Variants in RBM6 observed in about 807,000 individuals in gnomAD.
The protein encoded by RBM6 is RNA-binding protein 6.
In RBM6, 23 loss-of-function variants were observed where a neutral mutation model predicts 140.4. The observed-to-expected ratio is 0.16, with a 90% CI of 0.12 to 0.23. The LOEUF (loss-of-function observed/expected upper bound fraction) is 0.23, where lower values mean the gene tolerates loss of function less well. Among genes scored for constraint, RBM6 ranks in the 10% least tolerant of loss-of-function variants. RBM6 has a pLI of 1.00. For missense variants in RBM6, 1,139 were observed against 1,386.7 expected, an observed-to-expected ratio of 0.82 and a Z score of 2.84; for synonymous variants, 439 against 475.6, an observed-to-expected ratio of 0.92 and a Z score of 1.00.
At chr3:50,064,994 G>A (rs776625218) in intron 15 of RBM6, 37 bp from the exon 16 acceptor site, 1 of 1,539,850 alleles carries the variant, frequency 6.5e-7, no homozygotes, top group Non-Finnish European at 9.0e-7. Flanking sequence ...GTTATTATGA[G>A]TGAATATCAT....
intron 5 of RBM6, among the ~76,000 whole-genome samples, chr3:49,978,877 C>T (rs912900267): frequency 6.6e-6 from 1 of 151,990 alleles, no homozygotes; most frequent in Non-Finnish European, 1.5e-5. Flanking sequence ...ACATTATAAC[C>T]CCATGAATTG....
At chr3:49,961,327 C>CT (rs1470703371) in intron 1 of RBM6, among the ~76,000 whole-genome samples, 1 of 151,960 alleles carries the variant, frequency 6.6e-6, no homozygotes, top group East Asian at 1.9e-4. Flanking sequence ...ATCCACCTGC[C>CT]TAGCCTCCCA....
At chr3:50,029,687 C>A (rs1367551453) in intron 6 of RBM6, among the ~76,000 whole-genome samples, 1 of 151,984 alleles carries the variant, frequency 6.6e-6, no homozygotes, top group African/African-American at 2.4e-5. Flanking sequence ...GAGCCGAGAT[C>A]GTGCCACTGC....
chr3:49,982,262 C>CTTTTTTTTTTTTTTTT (rs751604271), intron 5 of RBM6, among the ~76,000 whole-genome samples: 27 of 68,388 alleles, frequency 3.9e-4, no homozygotes, highest in African/African-American at 7.2e-4. Context: ...CTTTTCTTTT[C>CTTTTTTTTTTTTTTTT]TTTTTTTTTT....
At chr3:50,004,708 C>G (rs751397821) in intron 6 of RBM6, among the ~76,000 whole-genome samples, 1 of 152,034 alleles carries the variant, frequency 6.6e-6, no homozygotes, top group Non-Finnish European at 1.5e-5. Flanking sequence ...CAGCTTTGAA[C>G]TCCTGGGCTT....
chr3:49,982,779 G>A (rs537687861), intron 5 of RBM6, among the ~76,000 whole-genome samples: 9 of 151,510 alleles, frequency 5.9e-5, no homozygotes, highest in East Asian at 5.9e-4. Flanking sequence ...GTGCAGTGGT[G>A]CAATCTCAGC....
chr3:50,047,386 C>G (rs778356435), intron 6 of RBM6: 378 of 938,930 alleles, frequency 4.0e-4, no homozygotes, highest in Non-Finnish European at 4.7e-4. Context: ...AATTTTTTTC[C>G]CCTGCACCAA....
intron 2 of RBM6, among the ~76,000 whole-genome samples, chr3:49,965,986 C>G (rs963166124): frequency 6.6e-6 from 1 of 152,010 alleles, no homozygotes. Flanking sequence ...ATTAGCTGGG[C>G]ATGGTGGCGC....
At chr3:50,072,244 C>T (rs2090327043) in intron 19 of RBM6, among the ~76,000 whole-genome samples, 1 of 150,616 alleles carries the variant, frequency 6.6e-6, no homozygotes, top group Non-Finnish European at 1.5e-5. Flanking sequence ...CCTGTCTCTA[C>T]CAAAAATATA....
chr3:49,978,215 G>GGAA (rs745598655), intron 5 of RBM6, among the ~76,000 whole-genome samples: 21 of 152,092 alleles, frequency 1.4e-4, no homozygotes, highest in Non-Finnish European at 2.5e-4. Flanking sequence ...TTCCCAGGCT[G>GGAA]GTCTTGAACT....
chr3:50,028,152 G>A (rs2087945005), intron 6 of RBM6, among the ~76,000 whole-genome samples: 1 of 152,010 alleles, frequency 6.6e-6, no homozygotes. Context: ...GCATATCAAG[G>A]GCTTGGTTTG....
At chr3:50,070,593 A>G in intron 19 of RBM6, 41 bp downstream of exon 19, 1 of 1,450,252 alleles carries the variant, frequency 6.9e-7, no homozygotes. Flanking sequence ...CCTCAAGCCT[A>G]ATGATAAAAC....
chr3:50,025,102 G>C (rs2087727307), intron 6 of RBM6, among the ~76,000 whole-genome samples: 1 of 150,486 alleles, frequency 6.6e-6, no homozygotes, highest in South Asian at 2.1e-4. Flanking sequence ...CCCCCATTTG[G>C]AGCTATGGCA....
intron 1 of RBM6, among the ~76,000 whole-genome samples, chr3:49,957,740 AT>A (rs1198592224): frequency 6.6e-6 from 1 of 152,096 alleles, no homozygotes; most frequent in Non-Finnish European, 1.5e-5. Context: ...TTTAGATCAC[AT>A]TGAAAGTGAA....
chr3:49,946,660 CG>C (rs1443393622), intron 1 of RBM6, among the ~76,000 whole-genome samples: 3 of 151,960 alleles, frequency 2.0e-5, no homozygotes, highest in Non-Finnish European at 4.4e-5. Context: ...CTCAGCCTCC[CG>C]GGTAGCTGGG....
intron 8 of RBM6, among the ~76,000 whole-genome samples, chr3:50,056,547 GTC>G (rs1265116445): frequency 6.6e-6 from 1 of 152,154 alleles, no homozygotes; most frequent in East Asian, 1.9e-4. Flanking sequence ...GCCCGCCTCA[GTC>G]TCCCAATGTG....
chr3:49,974,276 A>G (rs746547275), intron 4 of RBM6, among the ~76,000 whole-genome samples: 27 of 151,974 alleles, frequency 1.8e-4, no homozygotes, highest in Middle Eastern at 3.4e-3. Flanking sequence ...CTGGAGTGCA[A>G]TGGCCCAATC....
At position 50,071,705 on chromosome 3, in the gene RBM6, C is replaced by T. The variant is rs1199166038; in HGVS notation, c.3116+1153C>T. On this transcript the variant is annotated intron_variant, in intron 19 of 20. Coordinates refer to ENST00000266022, the MANE Select transcript of RBM6 (RefSeq NM_005777.3). ...TCAGATCTGCCAGTCTTTGTGATCA[C>T]CTGGGGAAAGGGAGAAGTCACTGAT... is the stretch of plus-strand genomic sequence containing the variant. Among the ~76,000 whole-genome samples, 4 of 152,086 alleles carry T rather than the reference C, an allele frequency of 2.6e-5. No individual in the cohort carries two copies. The East Asian group carries it at 5.8e-4, about 22-fold the overall frequency.
At chr3:49,984,497 C>G (rs1419835714) in intron 5 of RBM6, among the ~76,000 whole-genome samples, 1 of 152,156 alleles carries the variant, frequency 6.6e-6, no homozygotes, top group African/African-American at 2.4e-5. Context: ...ATCCCAGTTA[C>G]TCAGGAGGCT....
Sources: gnomAD v4.1 joint callset for allele counts (sites outside exome capture counted in the v4.1 genomes callset) on GRCh38, gnomAD v4.1.1 for gene constraint, MANE v1.5 for transcripts, NCBI Gene and HGNC (gene_info 2026-07-23, HGNC 2026-07-21) for gene names.